Variants in GRIK4 observed in about 807,000 individuals in gnomAD.
GRIK4 encodes glutamate ionotropic receptor kainate type subunit 4.
GRIK4 carries 40 observed loss-of-function variants against 104.9 expected under a neutral mutation model. The observed-to-expected ratio is 0.38, with a 90% CI of 0.30 to 0.50. GRIK4 has a LOEUF of 0.50. Among genes scored for constraint, GRIK4 ranks in the 20% least tolerant of loss-of-function variants. GRIK4 has a pLI of 0.93. For missense variants in GRIK4, 1,047 were observed against 1,308.1 expected, an observed-to-expected ratio of 0.80 and a Z score of 3.08; for synonymous variants, 485 against 524.9, an observed-to-expected ratio of 0.92 and a Z score of 1.04.
rs530714722 is a variant in GRIK4, at chr11:120,556,729, C to T, written c.-159+44842C>T. ...ACCCTCCTGTCACCTCCTGCATATA[C>T]ACAAGAGGAACACGTTTTTAAAACT... On this transcript the variant is annotated intron_variant, in intron 1 of 20. Coordinates refer to ENST00000527524, the MANE Select transcript of GRIK4 (RefSeq NM_014619.5). 2.0e-5 allele frequency among the ~76,000 whole-genome samples: 3 copies of T among 152,286 alleles called. No individual in the cohort carries two copies. The South Asian group carries it at 6.2e-4, about 32-fold the overall frequency.
chr11:120,808,268 C>T (rs1339251006), intron 4 of GRIK4, among the ~76,000 whole-genome samples: 3 of 152,194 alleles, frequency 2.0e-5, no homozygotes, highest in Non-Finnish European at 2.9e-5. Context: ...CTATGTCTCA[C>T]AGCCCTCCTC....
At chr11:120,662,697 C>T (rs542203353) in intron 3 of GRIK4, among the ~76,000 whole-genome samples, 7 of 152,270 alleles carry the variant, frequency 4.6e-5, no homozygotes, top group Admixed American at 2.6e-4. Flanking sequence ...CTGCTCCTCT[C>T]GCCTTCCCAG....
chr11:120,715,042 C>T (rs1485522559), intron 3 of GRIK4, among the ~76,000 whole-genome samples: 2 of 152,170 alleles, frequency 1.3e-5, no homozygotes, highest in African/African-American at 2.4e-5. Context: ...CTGGGCTTTG[C>T]ACTGGAGGTG....
chr11:120,560,946 G>A (rs1490425569), intron 1 of GRIK4, among the ~76,000 whole-genome samples: 2 of 152,150 alleles, frequency 1.3e-5, no homozygotes, highest in East Asian at 1.9e-4. Context: ...CCCCTTCCAC[G>A]CCTCTGGGAA....
At chr11:120,710,055 C>T (rs568629706) in intron 3 of GRIK4, among the ~76,000 whole-genome samples, 1 of 152,288 alleles carries the variant, frequency 6.6e-6, no homozygotes, top group East Asian at 1.9e-4. Flanking sequence ...TTCAGAGTGG[C>T]TTGTAGGTCC....
At chr11:120,678,726 C>T (rs112657278) in intron 3 of GRIK4, among the ~76,000 whole-genome samples, 15 of 152,046 alleles carry the variant, frequency 9.9e-5, no homozygotes, top group African/African-American at 2.2e-4. Context: ...CTCCACCCAC[C>T]GGGTTCAAGC....
intron 3 of GRIK4, among the ~76,000 whole-genome samples, chr11:120,780,100 G>T (rs1952123745): frequency 6.6e-6 from 1 of 152,214 alleles, no homozygotes; most frequent in African/African-American, 2.4e-5. Context: ...AGATACAAAT[G>T]AGACACATGT....
intron 15 of GRIK4, among the ~76,000 whole-genome samples, chr11:120,955,490 G>A (rs900459467): frequency 1.3e-5 from 2 of 152,222 alleles, no homozygotes; most frequent in Non-Finnish European, 1.5e-5. Context: ...GCACACCTGT[G>A]CATACAGTTT....
rs1440778323 is a variant in GRIK4, at chr11:120,986,269, G to A, written c.*9G>A. ...GCAGCGAGCCCGAGTAGTCCCGGAG[G>A]CCACAGGACGCGCAGAGGCCGGGCG... is the stretch of plus-strand genomic sequence containing the variant. On this transcript the variant is annotated 3_prime_UTR_variant, in exon 21 of 21. Coordinates refer to ENST00000527524, the MANE Select transcript of GRIK4 (RefSeq NM_014619.5). 7.5e-7 allele frequency: 1 copy of A among 1,338,810 alleles called. No individual in the cohort carries two copies. The highest frequency in any genetic ancestry group is 4.6e-5 in the East Asian group (1 of 21,640). 82.9% of individuals were successfully genotyped at this position (1,338,810 alleles called of 1,614,324 possible).
At chr11:120,656,832 C>T (rs4622278) in intron 2 of GRIK4, among the ~76,000 whole-genome samples, 81,463 of 151,964 alleles carry the variant, frequency 0.54, 23,607 homozygotes, top group East Asian at 0.7. Context: ...CCAGCCTGAG[C>T]GACAGAGCAA....
At chr11:120,761,977 T>C (rs1421283647) in intron 3 of GRIK4, among the ~76,000 whole-genome samples, 1 of 152,186 alleles carries the variant, frequency 6.6e-6, no homozygotes, top group East Asian at 1.9e-4. Flanking sequence ...TTTTTCTAAT[T>C]CTGTGAAGAA....
chr11:120,859,859 A>G (rs1205991189), intron 8 of GRIK4, among the ~76,000 whole-genome samples: 2 of 152,030 alleles, frequency 1.3e-5, no homozygotes, highest in African/African-American at 4.8e-5. Flanking sequence ...ATCCAAATCC[A>G]CTCTGTCAGG....
chr11:120,748,720 G>A (rs117362086), intron 3 of GRIK4, among the ~76,000 whole-genome samples: 3,632 of 152,248 alleles, frequency 0.024, 61 homozygotes, highest in Non-Finnish European at 0.039. Flanking sequence ...CAATCCCTCT[G>A]TAAAGCCCTC....
chr11:120,982,253 G>A (rs202019501), intron 20 of GRIK4, 29 bp downstream of exon 20: 149 of 1,182,702 alleles, frequency 1.3e-4, no homozygotes, highest in Admixed American at 3.7e-4. Context: ...ATGATCGATC[G>A]TGTTGGCAGA....
At chr11:120,523,462 G>A (rs1004601961) in intron 1 of GRIK4, among the ~76,000 whole-genome samples, 1 of 152,068 alleles carries the variant, frequency 6.6e-6, no homozygotes, top group African/African-American at 2.4e-5. Flanking sequence ...GGCTTTAGGG[G>A]TGGAGGAGGA....
chr11:120,570,275 C>G (rs1448529810), intron 1 of GRIK4, among the ~76,000 whole-genome samples: 1 of 152,172 alleles, frequency 6.6e-6, no homozygotes, highest in African/African-American at 2.4e-5. Context: ...TTTTAAAAGG[C>G]TTATAACAAT....
chr11:120,614,356 C>G (rs1426141982), intron 1 of GRIK4, among the ~76,000 whole-genome samples: 2 of 152,228 alleles, frequency 1.3e-5, no homozygotes, highest in Non-Finnish European at 2.9e-5. Context: ...CCCAATCCCA[C>G]TGGGGCACAG....
chr11:120,571,143 T>A (rs1565554359), intron 1 of GRIK4, among the ~76,000 whole-genome samples: 1 of 152,192 alleles, frequency 6.6e-6, no homozygotes, highest in Non-Finnish European at 1.5e-5. Context: ...GGACTTCCCT[T>A]GGCCCCCTCC....
At chr11:120,752,296 A>C (rs556595282) in intron 3 of GRIK4, among the ~76,000 whole-genome samples, 263 of 152,318 alleles carry the variant, frequency 1.7e-3, no homozygotes, top group African/African-American at 6.2e-3. Context: ...CCACAACTCT[A>C]CTTGCAGAGT....
Sources: allele counts gnomAD v4.1 joint callset (sites outside exome capture counted in the v4.1 genomes callset), GRCh38; gene constraint gnomAD v4.1.1; transcripts MANE v1.5; gene names NCBI Gene and HGNC (gene_info 2026-07-23, HGNC 2026-07-21).